Variants in ZNF608 observed in about 807,000 individuals in gnomAD.
The protein encoded by ZNF608 is renal carcinoma antigen NY-REN-36.
In ZNF608, 12 loss-of-function variants were observed where a neutral mutation model predicts 109.0. That is an observed-to-expected ratio of 0.11 (90% CI 0.07 to 0.18). The LOEUF (loss-of-function observed/expected upper bound fraction) is 0.18. Among genes scored for constraint, ZNF608 ranks in the 10% least tolerant of loss-of-function variants. ZNF608 has a pLI of 1.00. For synonymous variants in ZNF608, 732 were observed against 717.4 expected (o/e 1.02, Z -0.33); for missense variants, 1,707 against 1,879.3 (o/e 0.91, Z 1.70).
intron 2 of ZNF608, among the ~76,000 whole-genome samples, chr5:124,718,805 A>G (rs181876534): frequency 6.6e-6 from 1 of 152,326 alleles, no homozygotes; most frequent in African/African-American, 2.4e-5. Flanking sequence ...GGTCTGCAAA[A>G]CCGCTATTTG....
intron 3 of ZNF608, among the ~76,000 whole-genome samples, chr5:124,660,378 C>G (rs764349151): frequency 6.6e-6 from 1 of 152,162 alleles, no homozygotes; most frequent in Non-Finnish European, 1.5e-5. Flanking sequence ...GGTGAACCTC[C>G]CTGTTCTTCC....
In ZNF608 at chr5:124,648,128, T is replaced by C; in HGVS notation, c.2256A>G (p.Ile752Met). Residue 752 changes from isoleucine (I) to methionine (M), a missense_variant, in exon 5 of 10, where the codon ATA becomes ATG. Transcript: ENST00000513986. ...PAPTPPQLIAIPTATFTTTTT... is the reference protein window; with the variant it reads ...PAPTPPQLIAMPTATFTTTTT... ...TGGTCGTTGTAAAGGTTGCAGTGGGTATAGCGATTAGCTGCGGGGGAGTGG... is the reference window on the plus strand; with the variant it reads ...TGGTCGTTGTAAAGGTTGCAGTGGGCATAGCGATTAGCTGCGGGGGAGTGG... 6.2e-7 allele frequency: 1 copy of C among 1,614,006 alleles called. No homozygotes were observed. Among genetic ancestry groups the C allele is most frequent in the Non-Finnish European group, 8.5e-7 (1 of 1,179,966 alleles).
At chr5:124,742,283 C>A (rs894265048) in intron 2 of ZNF608, among the ~76,000 whole-genome samples, 1 of 152,140 alleles carries the variant, frequency 6.6e-6, no homozygotes, top group Non-Finnish European at 1.5e-5. Flanking sequence ...CGATTGCCAG[C>A]TAAACAAAAT....
chr5:124,688,116 T>A (rs1752473867), intron 3 of ZNF608, among the ~76,000 whole-genome samples: 1 of 152,164 alleles, frequency 6.6e-6, no homozygotes. Context: ...TCCTTCCAGT[T>A]CAGAATGGAT....
At chr5:124,669,378 G>T (rs1193580780) in intron 3 of ZNF608, among the ~76,000 whole-genome samples, 1 of 152,160 alleles carries the variant, frequency 6.6e-6, no homozygotes, top group Admixed American at 6.5e-5. Context: ...TTCCACAATG[G>T]AAGAAGAGGT....
In ZNF608 at chr5:124,637,918, A is replaced by G. The variant is rs1750048298; in HGVS notation, c.4533-12T>C. 1.2e-6 allele frequency: 2 copies of G among 1,611,746 alleles called. No individual in the cohort carries two copies. Among genetic ancestry groups the G allele is most frequent in the African/African-American group, 2.7e-5 (2 of 74,812 alleles). ...AATCTTGTTATTCTCTGCAAAAGAA[A>G]AGCAAACCTTAGCACACGGTTCTAT... On this transcript the variant is annotated splice_polypyrimidine_tract_variant and intron_variant, in intron 9 of 9. Transcript: ENST00000513986.
intron 3 of ZNF608, among the ~76,000 whole-genome samples, chr5:124,662,391 A>G (rs1751298727): frequency 6.6e-6 from 1 of 152,362 alleles, no homozygotes; most frequent in Non-Finnish European, 1.5e-5. Flanking sequence ...TTCTGACCCC[A>G]GGTGGCACAT....
intron 3 of ZNF608, among the ~76,000 whole-genome samples, chr5:124,660,195 A>T (rs72781220): frequency 0.11 from 12,182 of 115,002 alleles, 527 homozygotes; most frequent in African/African-American, 0.15. Context: ...TGTGTGTGTG[A>T]GAGAGAGAAT....
Position 124,647,370 on chromosome 5 carries a change from GAAT to G in ZNF608, c.3011_3013del (p.Tyr1004del), listed in dbSNP as rs1274651384. The G allele has an allele frequency of 1.2e-6, 2 of 1,614,214 alleles. No individual in the cohort carries two copies. Among genetic ancestry groups the G allele is most frequent in the African/African-American group, 1.3e-5 (1 of 75,052 alleles). ...CTGCCCAGGGTGCATGTAACTTGGA[GAAT>G]AATAAGGATCATAGCTGTGGTAATA... On this transcript the variant is annotated inframe_deletion, in exon 5 of 10. Transcript: ENST00000513986.
intron 3 of ZNF608, among the ~76,000 whole-genome samples, chr5:124,657,029 A>G (rs1178277549): frequency 2.0e-5 from 3 of 152,192 alleles, no homozygotes; most frequent in Non-Finnish European, 4.4e-5. Context: ...ATTCACTGCC[A>G]TCTATTTCTT....
chr5:124,638,963 G>A (rs1750108140), intron 9 of ZNF608, 170 bp downstream of exon 9: 1 of 816,342 alleles, frequency 1.2e-6, no homozygotes, highest in Admixed American at 2.8e-5. Context: ...TGAGGTTCAT[G>A]GAATTTAAGT....
intron 3 of ZNF608, among the ~76,000 whole-genome samples, chr5:124,682,674 G>A (rs1261789174): frequency 1.3e-5 from 2 of 152,246 alleles, no homozygotes; most frequent in African/African-American, 4.8e-5. Flanking sequence ...CATGACAGTT[G>A]ATGGTGAATC....
intron 8 of ZNF608, among the ~76,000 whole-genome samples, chr5:124,639,650 G>A (rs1750147293): frequency 6.6e-6 from 1 of 152,160 alleles, no homozygotes; most frequent in African/African-American, 2.4e-5. Flanking sequence ...TGAACACAAT[G>A]CATCCCATAA....
intron 2 of ZNF608, among the ~76,000 whole-genome samples, chr5:124,733,327 G>C (rs1748993763): frequency 6.7e-6 from 1 of 149,868 alleles, no homozygotes; most frequent in African/African-American, 2.5e-5. Context: ...AGCTCATTTG[G>C]AGTTTATAAA....
intron 8 of ZNF608, among the ~76,000 whole-genome samples, chr5:124,640,088 T>C (rs1750168618): frequency 6.6e-6 from 1 of 152,268 alleles, no homozygotes. Flanking sequence ...CACTACTAGA[T>C]GACATCAACT....
chr5:124,747,753 T>C (rs1429409861), upstream of ZNF608, among the ~76,000 whole-genome samples: 2 of 152,154 alleles, frequency 1.3e-5, no homozygotes, highest in African/African-American at 4.8e-5. Context: ...GCAAAGCAGA[T>C]GTTTTAAAGA....
At position 124,669,088 on chromosome 5, in the gene ZNF608, G is replaced by GA. The variant is rs200711977; in HGVS notation, c.1163-19392dup. ...AGCACCATATTTAGTGCACTGAGAA[G>GA]AAAAAAAAAATCGGATGGAGCAGTA... On this transcript the variant is annotated intron_variant, in intron 3 of 9. Transcript: ENST00000513986. Among the ~76,000 whole-genome samples the GA allele has an allele frequency of 3.8e-3, 568 of 148,982 alleles. 4 individuals carry two copies. Among genetic ancestry groups the GA allele is most frequent in the Middle Eastern group, 6.9e-3 (2 of 290 alleles).
At chr5:124,649,204 A>G in intron 4 of ZNF608, 71 bp from the exon 5 acceptor site, 15 of 1,331,546 alleles carry the variant, frequency 1.1e-5, no homozygotes, top group Non-Finnish European at 1.4e-5. Context: ...AAAGTACACA[A>G]TGCAGTAAAG....
chr5:124,669,165 C>T (rs1461155108), intron 3 of ZNF608, among the ~76,000 whole-genome samples: 5 of 152,086 alleles, frequency 3.3e-5, no homozygotes, highest in Non-Finnish European at 5.9e-5. Flanking sequence ...GGGATAGCAC[C>T]TTCATAAGAC....
Sources: allele counts gnomAD v4.1 joint callset (sites outside exome capture counted in the v4.1 genomes callset), GRCh38; gene constraint gnomAD v4.1.1; transcripts MANE v1.5; gene names NCBI Gene and HGNC (gene_info 2026-07-23, HGNC 2026-07-21).